Variants in PLCH1 observed in about 807,000 individuals in gnomAD.
PLCH1 encodes the protein phospholipase C eta 1, also known as 1-phosphatidylinositol 4,5-bisphosphate phosphodiesterase eta-1.
PLCH1 carries 60 observed loss-of-function variants against 126.7 expected under a neutral mutation model. The observed-to-expected ratio is 0.47, with a 90% CI of 0.38 to 0.59. The LOEUF (loss-of-function observed/expected upper bound fraction) is 0.59, where lower values mean the gene tolerates loss of function less well. PLCH1 is among the 20% of genes least tolerant of loss of function. PLCH1 has a pLI of 0.00. For missense variants in PLCH1, 1,723 were observed against 2,040.0 expected (o/e 0.84, Z 2.99); for synonymous variants, 719 against 734.9 (o/e 0.98, Z 0.35).
At chr3:155,568,021 T>C (rs1263696344) in intron 7 of PLCH1, among the ~76,000 whole-genome samples, 3 of 152,200 alleles carry the variant, frequency 2.0e-5, no homozygotes, top group Non-Finnish European at 4.4e-5. Context: ...AAGTGGAAAA[T>C]GCTTATGGGC....
chr3:155,560,195 C>T (rs1212838317), intron 8 of PLCH1, among the ~76,000 whole-genome samples: 1 of 152,140 alleles, frequency 6.6e-6, no homozygotes, highest in Non-Finnish European at 1.5e-5. Context: ...AAGTCATTTT[C>T]TGTACTTGAA....
chr3:155,730,794 A>C (rs1407906282), intron 1 of PLCH1, among the ~76,000 whole-genome samples: 2 of 152,234 alleles, frequency 1.3e-5, no homozygotes, highest in Admixed American at 6.5e-5. Flanking sequence ...TAGGAAGGAC[A>C]GTTTTACATT....
At chr3:155,737,477 G>A (rs1183767305) in intron 1 of PLCH1, among the ~76,000 whole-genome samples, 2 of 151,684 alleles carry the variant, frequency 1.3e-5, no homozygotes, top group Non-Finnish European at 2.9e-5. Flanking sequence ...GATTACAAGC[G>A]TGAGCCACCA....
chr3:155,705,829 C>T (rs921903078), intron 1 of PLCH1, among the ~76,000 whole-genome samples: 1 of 152,246 alleles, frequency 6.6e-6, no homozygotes, highest in East Asian at 1.9e-4. Context: ...TCTTCATATT[C>T]CAAAGTCAAG....
Position 155,542,904 on chromosome 3 carries a change from A to C in PLCH1, c.1362+6883T>G, listed in dbSNP as rs1226809056. On this transcript the variant is annotated intron_variant, in intron 10 of 22. Coordinates refer to ENST00000460012, the MANE Select transcript of PLCH1 (RefSeq NM_014996.4). ...CCCATCTGTACATCACCATCATCAA[A>C]GACCAAAAGTAGATAAAACCACAAA... 2.6e-5 allele frequency among the ~76,000 whole-genome samples: 4 copies of C among 152,294 alleles called. No homozygotes were observed. In the East Asian group the frequency reaches 7.7e-4, roughly 29 times the overall value.
intron 2 of PLCH1, among the ~76,000 whole-genome samples, chr3:155,675,812 AC>A (rs1409116191): frequency 6.6e-6 from 1 of 152,218 alleles, no homozygotes; most frequent in East Asian, 1.9e-4. Context: ...CTACATTTAT[AC>A]GAAAAAAACA....
intron 10 of PLCH1, among the ~76,000 whole-genome samples, chr3:155,528,334 G>T (rs1722240429): frequency 6.6e-6 from 1 of 151,522 alleles, no homozygotes; most frequent in Admixed American, 6.6e-5. Context: ...AGGTCCTATT[G>T]ATATAGAAAG....
rs371903452 is a variant in PLCH1, at chr3:155,590,681, CG to C, written c.470+3259del. ...AGGAGAATGGCGTGAACCCAGGAGG[CG>C]GAGCTTGCAGTGAGCCAAGATCACA... On this transcript the variant is annotated intron_variant, in intron 4 of 22. Coordinates refer to ENST00000460012, the MANE Select transcript of PLCH1 (RefSeq NM_014996.4). Among the ~76,000 whole-genome samples, 25 of 149,944 alleles carry C rather than the reference CG, an allele frequency of 1.7e-4. No individual in the cohort carries two copies. In the East Asian group the frequency reaches 4.2e-3, roughly 25 times the overall value.
intron 2 of PLCH1, among the ~76,000 whole-genome samples, chr3:155,609,511 C>T (rs1030616294): frequency 6.6e-6 from 1 of 152,162 alleles, no homozygotes; most frequent in African/African-American, 2.4e-5. Flanking sequence ...AAAGATCACA[C>T]TAGTTCCCAG....
chr3:155,712,707 T>A (rs1411002410), intron 1 of PLCH1, among the ~76,000 whole-genome samples: 3 of 151,856 alleles, frequency 2.0e-5, no homozygotes, highest in Admixed American at 2.0e-4. Flanking sequence ...ACTATTGCAC[T>A]CCAGCCTGGG....
intron 4 of PLCH1, among the ~76,000 whole-genome samples, chr3:155,593,140 G>C (rs907863471): frequency 6.6e-6 from 1 of 152,124 alleles, no homozygotes; most frequent in African/African-American, 2.4e-5. Flanking sequence ...CAAGGACAGA[G>C]ACACCTGTAT....
At chr3:155,470,744 A>G (rs1439136487) in intron 21 of PLCH1, among the ~76,000 whole-genome samples, 3 of 152,118 alleles carry the variant, frequency 2.0e-5, no homozygotes, top group Non-Finnish European at 4.4e-5. Context: ...GAAACCCTAC[A>G]AGCCAGAAGA....
At chr3:155,566,645 G>A (rs1560177890) in intron 7 of PLCH1, among the ~76,000 whole-genome samples, 1 of 98,050 alleles carries the variant, frequency 1.0e-5, no homozygotes, top group Non-Finnish European at 3.0e-5. Context: ...AACCAAATTG[G>A]TTTGAAAAAA....
chr3:155,652,601 C>T (rs1740839625), intron 2 of PLCH1, among the ~76,000 whole-genome samples: 1 of 152,130 alleles, frequency 6.6e-6, no homozygotes, highest in Non-Finnish European at 1.5e-5. Flanking sequence ...TTTCATCTAC[C>T]ATTTATAGAA....
intron 1 of PLCH1, among the ~76,000 whole-genome samples, chr3:155,705,426 C>A (rs552218520): frequency 3.8e-4 from 58 of 152,242 alleles, no homozygotes; most frequent in African/African-American, 1.3e-3. Flanking sequence ...CCTGGCTAAT[C>A]TGACTGCTTA....
At chr3:155,659,304 T>TC (rs1741828704) in intron 2 of PLCH1, among the ~76,000 whole-genome samples, 2 of 35,974 alleles carry the variant, frequency 5.6e-5, no homozygotes, top group Non-Finnish European at 9.6e-5. Flanking sequence ...ATTCACTTCT[T>TC]TTTTTTTTTT....
intron 17 of PLCH1, 41 bp from the exon 18 acceptor site, chr3:155,492,894 C>T (rs1716461995): frequency 6.6e-7 from 1 of 1,519,304 alleles, no homozygotes; most frequent in Non-Finnish European, 8.8e-7. Flanking sequence ...TAAGAAGAAA[C>T]ACACACGCAT....
chr3:155,604,924 A>G (rs1426665192), intron 2 of PLCH1, among the ~76,000 whole-genome samples: 1 of 152,216 alleles, frequency 6.6e-6, no homozygotes, highest in East Asian at 1.9e-4. Flanking sequence ...GACAAGTCTT[A>G]GATTGTAGCG....
chr3:155,489,766 AGTTTCT>A (rs1340639037), intron 19 of PLCH1, among the ~76,000 whole-genome samples: 4 of 152,192 alleles, frequency 2.6e-5, no homozygotes, highest in Non-Finnish European at 1.5e-5. Flanking sequence ...GTACTCCATA[AGTTTCT>A]GTTTTTCTTC....
Sources: gnomAD v4.1 joint callset for allele counts (sites outside exome capture counted in the v4.1 genomes callset) on GRCh38, gnomAD v4.1.1 for gene constraint, MANE v1.5 for transcripts, NCBI Gene and HGNC (gene_info 2026-07-23, HGNC 2026-07-21) for gene names.